The following KATNBL1 variants were observed in gnomAD, a reference collection of about 807,000 sequenced individuals.
KATNBL1 encodes KATNB1-like protein 1.
A neutral mutation model predicts 44.7 loss-of-function variants in KATNBL1; 28 were observed. The ratio of observed to expected loss-of-function variants is 0.63; its 90% CI spans 0.46 to 0.86. The LOEUF is 0.86. Ranked by LOEUF, KATNBL1 falls within the 40% of genes least tolerant of loss-of-function variation. KATNBL1 has a pLI of 0.00. For missense variants in KATNBL1, 272 were observed against 350.7 expected (o/e 0.78, Z 1.79); for synonymous variants, 78 against 114.9 (o/e 0.68, Z 2.06).
intron 1 of KATNBL1, chr15:34,208,524 G>A (rs1470522129): frequency 1.3e-5 from 2 of 152,184 alleles, no homozygotes; most frequent in Non-Finnish European, 2.9e-5. Flanking sequence ...AAGTTTTAGG[G>A]ATGAAAACAT....
At chr15:34,196,078 C>G (rs1443912028) in intron 1 of KATNBL1, among the ~76,000 whole-genome samples, 1 of 152,064 alleles carries the variant, frequency 6.6e-6, no homozygotes, top group Non-Finnish European at 1.5e-5. Flanking sequence ...TAAAAAGATT[C>G]ATTAAAAAAA....
At chr15:34,199,700 C>T (rs1158275157) in intron 1 of KATNBL1, 1 of 152,382 alleles carries the variant, frequency 6.6e-6, no homozygotes, top group Non-Finnish European at 1.5e-5. Flanking sequence ...TCCGGAGTTT[C>T]TTCCTTCCGG....
chr15:34,182,403 C>A (rs1048791497), intron 1 of KATNBL1, among the ~76,000 whole-genome samples: 1 of 152,102 alleles, frequency 6.6e-6, no homozygotes, highest in African/African-American at 2.4e-5. Context: ...TTCTGGAAGG[C>A]AAATTTGACA....
intron 1 of KATNBL1, among the ~76,000 whole-genome samples, chr15:34,189,642 A>G: frequency 6.6e-6 from 1 of 152,236 alleles, no homozygotes; most frequent in East Asian, 1.9e-4. Context: ...ACTCTTTGAT[A>G]GAGAGGAGAC....
At chr15:34,199,845 ACGGAAAGAACAAAGT>A (rs1890130793) in intron 1 of KATNBL1, 2 of 858 alleles carry the variant, frequency 2.3e-3, no homozygotes, top group African/African-American at 5.2e-3. Flanking sequence ...AGAACAAAGT[ACGGAAAGAACAAAGT>A]TTCCACGGTG....
At chr15:34,181,605 TCCATATATATACACATATATATG>T in intron 1 of KATNBL1, among the ~76,000 whole-genome samples, 1 of 32,688 alleles carries the variant, frequency 3.1e-5, no homozygotes. Context: ...CATATATATG[TCCATATATATACACATATATATG>T]TCCATATATA....
At chr15:34,150,493 C>T (rs569707645) in intron 4 of KATNBL1, among the ~76,000 whole-genome samples, 1 of 152,280 alleles carries the variant, frequency 6.6e-6, no homozygotes, top group East Asian at 1.9e-4. Flanking sequence ...ACTCTGGAGA[C>T]TGAGGTGGGA....
At chr15:34,199,986 C>T (rs1164080736) in intron 1 of KATNBL1, 1 of 151,458 alleles carries the variant, frequency 6.6e-6, no homozygotes, top group Non-Finnish European at 1.5e-5. Context: ...GATTGGTCCA[C>T]TTTACAGAGT....
intron 1 of KATNBL1, among the ~76,000 whole-genome samples, chr15:34,186,846 G>A (rs1456061778): frequency 6.6e-6 from 1 of 152,226 alleles, no homozygotes; most frequent in African/African-American, 2.4e-5. Context: ...CCCCAGTAAG[G>A]CCCCACCCTC....
At chr15:34,192,403 C>CAAAAAAA (rs199991134) in intron 1 of KATNBL1, among the ~76,000 whole-genome samples, 1 of 107,264 alleles carries the variant, frequency 9.3e-6, no homozygotes. Context: ...GACTCCATCT[C>CAAAAAAA]AAAAAAAAAA....
intron 1 of KATNBL1, among the ~76,000 whole-genome samples, chr15:34,175,113 AACACACACAC>A (rs71119940): frequency 0.012 from 1,655 of 143,264 alleles, 15 homozygotes; most frequent in East Asian, 0.032. Context: ...TAAAATAAGC[AACACACACAC>A]ACACACACAC....
chr15:34,181,912 G>A (rs1889578924), intron 1 of KATNBL1, among the ~76,000 whole-genome samples: 1 of 140,726 alleles, frequency 7.1e-6, no homozygotes, highest in Non-Finnish European at 1.6e-5. Flanking sequence ...AAAGGGTTTT[G>A]CTGGGGAAAG....
intron 1 of KATNBL1, chr15:34,208,720 TC>T (rs1414207729): frequency 6.6e-6 from 1 of 152,220 alleles, no homozygotes; most frequent in Non-Finnish European, 1.5e-5. Flanking sequence ...AGTATAATCA[TC>T]AAGAGCAGAA....
intron 1 of KATNBL1, among the ~76,000 whole-genome samples, chr15:34,184,473 G>A (rs1189307449): frequency 1.4e-5 from 2 of 142,588 alleles, no homozygotes; most frequent in African/African-American, 5.2e-5. Flanking sequence ...GCAACAGAGT[G>A]AGATTCCATC....
chr15:34,207,679 T>C (rs890814286), intron 1 of KATNBL1, among the ~76,000 whole-genome samples: 2 of 151,754 alleles, frequency 1.3e-5, no homozygotes, highest in Admixed American at 6.6e-5. Flanking sequence ...CGGCTCACTG[T>C]AGCCTTGACC....
chr15:34,195,106 A>G (rs57834992), intron 1 of KATNBL1, among the ~76,000 whole-genome samples: 24,450 of 152,188 alleles, frequency 0.16, 2,110 homozygotes, highest in Middle Eastern at 0.31. Flanking sequence ...TATCTACCCA[A>G]AGGAAAATAA....
chr15:34,203,469 A>C (rs777919118), intron 1 of KATNBL1, among the ~76,000 whole-genome samples: 3 of 152,118 alleles, frequency 2.0e-5, no homozygotes, highest in African/African-American at 4.8e-5. Flanking sequence ...TTTCTGCTTA[A>C]AATATTCCTC....
At chr15:34,173,807 A>G (rs570700052) in intron 1 of KATNBL1, among the ~76,000 whole-genome samples, 9 of 152,310 alleles carry the variant, frequency 5.9e-5, no homozygotes, top group East Asian at 1.9e-4. Flanking sequence ...TTCAAGTGCT[A>G]TAAGAAAAGA....
rs1321342305 is a variant in KATNBL1, at chr15:34,161,389, G to C, written c.117+2171C>G. On this transcript the variant is annotated intron_variant, in intron 2 of 9. Transcript: ENST00000256544. ...GCAGGGCGTGCCTCCTCATGGGAGA[G>C]GACCAGGGACCCTTGCCCAGAGGAG... Among the ~76,000 whole-genome samples the C allele has an allele frequency of 2.6e-5, 4 of 152,306 alleles. No individual in the cohort carries two copies. In the East Asian group the frequency reaches 7.7e-4, roughly 29 times the overall value.
Sources: allele counts gnomAD v4.1 joint callset (sites outside exome capture counted in the v4.1 genomes callset), GRCh38; gene constraint gnomAD v4.1.1; transcripts MANE v1.5; gene names NCBI Gene and HGNC (gene_info 2026-07-23, HGNC 2026-07-21).